Variants in CYGB observed in about 807,000 individuals in gnomAD.
CYGB encodes histoglobin.
Under a neutral mutation model 20.7 loss-of-function variants are expected in CYGB, and 13 were observed. The observed-to-expected ratio is 0.63, with a 90% CI of 0.41 to 1.00. CYGB has a LOEUF of 1.00. Among genes scored for constraint, CYGB ranks in the 50% least tolerant of loss-of-function variants. The pLI is 0.00. For synonymous variants in CYGB, 93 were observed against 107.4 expected (o/e 0.87, Z 0.83); for missense variants, 218 against 257.2 (o/e 0.85, Z 1.04).
At chr17:76,541,813 C>T (rs1260284526), upstream of CYGB, among the ~76,000 whole-genome samples, 1 of 152,194 alleles carries the variant, frequency 6.6e-6, no homozygotes, top group African/African-American at 2.4e-5. Flanking sequence ...TCTGGCTTCC[C>T]TCTTACTAAT....
At chr17:76,548,738 CT>C (rs2075080064) in intron 1 of CYGB, among the ~76,000 whole-genome samples, 1 of 152,258 alleles carries the variant, frequency 6.6e-6, no homozygotes, top group Non-Finnish European at 1.5e-5. Context: ...CTGTAATGAA[CT>C]GTGTCTGGAG....
Position 76,527,558 on chromosome 17 carries a change from G to A in CYGB, c.*1020C>T, listed in dbSNP as rs1567904550. On this transcript the variant is annotated 3_prime_UTR_variant, in exon 4 of 4. Coordinates refer to ENST00000293230, the MANE Select transcript of CYGB (RefSeq NM_134268.5). ...CGTGACCAAGGGGCACACACGGGGG[G>A]CCCCCCTGGCAAGCCTGACGCAGAT... 6.8e-6 allele frequency: 3 copies of A among 444,362 alleles called. No homozygotes were observed. Among genetic ancestry groups the A allele is most frequent in the Non-Finnish European group, 9.1e-6 (2 of 218,684 alleles). 27.5% of individuals were successfully genotyped at this position (444,362 alleles called of 1,614,324 possible).
rs2074871593 is a variant in CYGB, at chr17:76,533,387, TAAAC to T, written c.144-1700_144-1697del. ...AAATGTGAAAAACCCAATTTGGACT[TAAAC>T]AAGCATCTCAGACTTTGGAGGTTTT... On this transcript the variant is annotated intron_variant, in intron 1 of 3. Coordinates refer to ENST00000293230, the MANE Select transcript of CYGB (RefSeq NM_134268.5). This position sits in a 1 kb window ranked among gnomAD's most constrained non-coding sequence, Gnocchi z 4.5. Among the ~76,000 whole-genome samples, 2 of 152,182 alleles carry T rather than the reference TAAAC, an allele frequency of 1.3e-5. No individual in the cohort carries two copies. Among genetic ancestry groups the T allele is most frequent in the Admixed American group, 6.5e-5 (1 of 15,278 alleles).
intron 1 of CYGB, chr17:76,547,405 G>T: frequency 6.5e-6 from 1 of 152,946 alleles, no homozygotes. Context: ...GTTTTTGCAG[G>T]GGGAGGGTGC....
chr17:76,540,261 G>GA (rs766812624), upstream of CYGB: 1 of 826,464 alleles, frequency 1.2e-6, no homozygotes, highest in Non-Finnish European at 2.0e-6. This position sits in a 1 kb window ranked among gnomAD's most constrained non-coding sequence, Gnocchi z 5.0. Flanking sequence ...CGGGGGGGGG[G>GA]GGCATGGGGC....
In CYGB at chr17:76,528,717, G is replaced by T; in HGVS notation, c.540-106C>A. ...GCTGGCGAGGCTCACTTCCTGCCAA[G>T]AGATCCGGCACAGTGCAGTTGAAAG... On this transcript the variant is annotated intron_variant, in intron 3 of 3. Transcript: ENST00000293230. This position sits in a 1 kb window ranked among gnomAD's most constrained non-coding sequence, Gnocchi z 5.8. 8.9e-7 allele frequency: 1 copy of T among 1,127,970 alleles called. No individual in the cohort carries two copies. The highest frequency in any genetic ancestry group is 1.1e-6 in the Non-Finnish European group (1 of 879,602). The allele number at this position is 1,127,970 out of a possible 1,614,324, so 69.9% of individuals were successfully genotyped here.
rs1452173566 is a variant in CYGB at position 76,530,076 on chromosome 17, C to T, written c.539+903G>A. 1.6e-5 allele frequency: 16 copies of T among 984,772 alleles called. No individual in the cohort carries two copies. Among genetic ancestry groups the T allele is most frequent in the African/African-American group, 5.2e-5 (3 of 57,152 alleles). 61.0% of individuals were successfully genotyped at this position (984,772 alleles called of 1,614,324 possible). A position where few individuals can be genotyped will look rare whatever the true frequency, so the allele number is the denominator to read the frequency against. On this transcript the variant is annotated intron_variant, in intron 3 of 3. Coordinates refer to ENST00000293230, the MANE Select transcript of CYGB (RefSeq NM_134268.5). This position sits in a 1 kb window ranked among gnomAD's most constrained non-coding sequence, Gnocchi z 6.1. ...GGCCCGTGCAGAGCCCGGCGGGAGA[C>T]GCCGCCTTTTCCATGGGAAACTGCT...
intron 1 of CYGB, among the ~76,000 whole-genome samples, chr17:76,547,619 G>A (rs1191770846): frequency 6.7e-6 from 1 of 149,440 alleles, no homozygotes; most frequent in Non-Finnish European, 1.5e-5. Flanking sequence ...GGCCAATCCT[G>A]TCCCTATGTG....
In CYGB at chr17:76,546,450, T is replaced by TG. The variant is rs59245044; in HGVS notation, c.-53+4411_-53+4412insC. ...GTGTGCGGTTGTGTGTGTGTGTGGTTTGTGTGTGTGTGTGTGTGTGTGCGC... is the reference window on the plus strand; with the variant it reads ...GTGTGCGGTTGTGTGTGTGTGTGGTTGTGTGTGTGTGTGTGTGTGTGTGCGC... On this transcript the variant is annotated intron_variant, in intron 1 of 3. Coordinates refer to the CYGB transcript ENST00000589145. The surrounding 1 kb of genome is among the most constrained non-coding windows in gnomAD (Gnocchi z 4.5). The TG allele has an allele frequency of 0.68, 100,911 of 149,488 alleles. 35,212 individuals are homozygous for TG. The highest frequency in any genetic ancestry group is 0.86 in the East Asian group (4,376 of 5,072). The allele number at this position is 149,488 out of a possible 1,614,324, so 9.3% of individuals were successfully genotyped here.
Position 76,530,614 on chromosome 17 carries a change from C to A in CYGB, c.539+365G>T, listed in dbSNP as rs1240311167. Among the ~76,000 whole-genome samples, 1 of 152,176 alleles carries A rather than the reference C, an allele frequency of 6.6e-6. No individual in the cohort carries two copies. The highest frequency in any genetic ancestry group is 1.5e-5 in the Non-Finnish European group (1 of 68,028). The stretch of plus-strand genomic sequence containing the variant: ...GGCACCCAGGGAGGAAGTGGCTGGG[C>A]TGACCTGGGCTGCCTCCGAGCCTGA... On this transcript the variant is annotated intron_variant, in intron 3 of 3. Coordinates refer to ENST00000293230, the MANE Select transcript of CYGB (RefSeq NM_134268.5). The surrounding 1 kb of genome is among the most constrained non-coding windows in gnomAD (Gnocchi z 6.1).
chr17:76,542,126 C>T (rs1160923672), upstream of CYGB, among the ~76,000 whole-genome samples: 2 of 152,172 alleles, frequency 1.3e-5, no homozygotes, highest in Non-Finnish European at 2.9e-5. Flanking sequence ...TCATCTATCT[C>T]ATTTGTGGCT....
intron 1 of CYGB, chr17:76,545,630 G>C (rs1030416115): frequency 6.1e-6 from 2 of 326,182 alleles, no homozygotes; most frequent in Non-Finnish European, 1.2e-5. Flanking sequence ...CTACCTCTGT[G>C]GCCTGGGTAA....
chr17:76,534,134 C>CTT (rs771785948), intron 1 of CYGB, among the ~76,000 whole-genome samples: 7,220 of 129,690 alleles, frequency 0.056, 227 homozygotes, highest in Non-Finnish European at 0.079. Context: ...TTCTTTCTCT[C>CTT]TCTCTTTCTC....
At chr17:76,534,178 T>TCTC (rs1567907880) in intron 1 of CYGB, among the ~76,000 whole-genome samples, 103 of 63,978 alleles carry the variant, frequency 1.6e-3, no homozygotes, top group Non-Finnish European at 3.2e-3. Flanking sequence ...CTCTCTCTCT[T>TCTC]TCTTTCTTTC....
chr17:76,540,250 T>TGGGG (rs774019278), upstream of CYGB: 68 of 467,130 alleles, frequency 1.5e-4, 5 homozygotes, highest in Non-Finnish European at 1.9e-4. The surrounding 1 kb of genome is among the most constrained non-coding windows in gnomAD (Gnocchi z 5.0). Context: ...TGGCGGTTGG[T>TGGGG]CGGGGGGGGG....
intron 1 of CYGB, chr17:76,543,690 C>T (rs1372862156): frequency 2.2e-6 from 1 of 455,848 alleles, no homozygotes; most frequent in Non-Finnish European, 4.6e-6. Flanking sequence ...GCTGGCCTGG[C>T]CAACTGCCTG....
At chr17:76,544,417 G>A (rs1433017096) in intron 1 of CYGB, 2 of 454,814 alleles carry the variant, frequency 4.4e-6, no homozygotes, top group African/African-American at 4.0e-5. Context: ...AGGCGCTCAG[G>A]GTGGGGGAGG....
intron 1 of CYGB, chr17:76,545,696 G>A (rs2075047157): frequency 3.5e-6 from 1 of 284,684 alleles, no homozygotes; most frequent in African/African-American, 2.2e-5. Flanking sequence ...AGATCCTACT[G>A]GTATCTGTCT....
chr17:76,540,007 G>T, upstream of CYGB: 1 of 910,208 alleles, frequency 1.1e-6, no homozygotes, highest in South Asian at 1.5e-5. This position sits in a 1 kb window ranked among gnomAD's most constrained non-coding sequence, Gnocchi z 5.0. Context: ...TAATCAGCTT[G>T]AGCCTCCTAA....
Sources: allele counts gnomAD v4.1 joint callset (sites outside exome capture counted in the v4.1 genomes callset), GRCh38; gene constraint gnomAD v4.1.1; non-coding constraint Gnocchi (gnomAD v3.1); transcripts MANE v1.5; gene names NCBI Gene and HGNC (gene_info 2026-07-23, HGNC 2026-07-21).